The following CNTN4 variants were observed in gnomAD, a reference collection of about 807,000 sequenced individuals.
CNTN4 encodes the protein contactin 4.
In CNTN4, 77 loss-of-function variants were observed where a neutral mutation model predicts 122.5. That is an observed-to-expected ratio of 0.63 (90% CI 0.52 to 0.76). The LOEUF is 0.76. CNTN4 is among the 30% of genes least tolerant of loss of function. The pLI is 0.00. For synonymous variants in CNTN4, 512 were observed against 447.0 expected, an observed-to-expected ratio of 1.15 and a Z score of -1.83; for missense variants, 1,256 against 1,259.1, an observed-to-expected ratio of 1.00 and a Z score of 0.04.
chr3:2,485,113 C>G (rs1374150061), intron 3 of CNTN4, among the ~76,000 whole-genome samples: 6 of 152,200 alleles, frequency 3.9e-5, no homozygotes, highest in Non-Finnish European at 8.8e-5. Context: ...GTGCTGCGCT[C>G]GAATTCCCGC....
intron 7 of CNTN4, among the ~76,000 whole-genome samples, chr3:2,821,561 T>C (rs1008024869): frequency 6.6e-6 from 1 of 152,152 alleles, no homozygotes; most frequent in Non-Finnish European, 1.5e-5. Context: ...AAATCAAATA[T>C]TTTACGCAGA....
Position 2,571,490 on chromosome 3 carries a change from C to T in CNTN4, c.-14C>T, listed in dbSNP as rs1559250959. 1 of 1,609,914 alleles carries T rather than the reference C, an allele frequency of 6.2e-7. No individual in the cohort carries two copies. The highest frequency in any genetic ancestry group is 8.5e-7 in the Non-Finnish European group (1 of 1,176,152). On this transcript the variant is annotated 5_prime_UTR_variant, in exon 4 of 25. Coordinates refer to ENST00000418658, the MANE Select transcript of CNTN4 (RefSeq NM_175607.3). ...TATTGGACTTGAAACTCCCTTTGAC[C>T]TCGGAAACTGAAGATGAGGTTGCCA...
chr3:2,501,195 AT>A (rs2076585189), intron 3 of CNTN4, among the ~76,000 whole-genome samples: 1 of 152,022 alleles, frequency 6.6e-6, no homozygotes, highest in South Asian at 2.1e-4. Flanking sequence ...AAGTCCATTC[AT>A]TTTTGTGAGG....
chr3:2,484,780 C>T (rs1025749586), intron 3 of CNTN4, among the ~76,000 whole-genome samples: 6 of 152,188 alleles, frequency 3.9e-5, no homozygotes, highest in South Asian at 2.1e-4. Context: ...GCTCGCTCTC[C>T]GCACCTCCTC....
chr3:2,601,865 C>G (rs1576174194), intron 4 of CNTN4, among the ~76,000 whole-genome samples: 1 of 152,104 alleles, frequency 6.6e-6, no homozygotes, highest in South Asian at 2.1e-4. Flanking sequence ...CAAACTGAAT[C>G]CAGCAGCACA....
At chr3:2,607,775 G>A (rs1413372077) in intron 4 of CNTN4, among the ~76,000 whole-genome samples, 2 of 152,026 alleles carry the variant, frequency 1.3e-5, no homozygotes, top group Non-Finnish European at 2.9e-5. Flanking sequence ...AGATACATAT[G>A]TTTTTAACCA....
At chr3:2,170,946 A>T (rs191038727) in intron 2 of CNTN4, among the ~76,000 whole-genome samples, 52 of 152,312 alleles carry the variant, frequency 3.4e-4, no homozygotes, top group South Asian at 2.9e-3. Context: ...CTTCAAACAA[A>T]AGCACATTAC....
intron 13 of CNTN4, among the ~76,000 whole-genome samples, chr3:2,968,664 T>C (rs568384340): frequency 1.3e-5 from 2 of 152,234 alleles, no homozygotes; most frequent in African/African-American, 4.8e-5. Context: ...AGCAAACTTG[T>C]TTACAGCCTC....
intron 3 of CNTN4, among the ~76,000 whole-genome samples, chr3:2,418,839 C>A (rs57317490): frequency 0.01 from 1,546 of 152,136 alleles, 28 homozygotes; most frequent in African/African-American, 0.036. Flanking sequence ...GAATAATTTA[C>A]AGTTCATGAT....
At chr3:3,006,460 G>T (rs946596342) in intron 14 of CNTN4, among the ~76,000 whole-genome samples, 1 of 152,090 alleles carries the variant, frequency 6.6e-6, no homozygotes, top group Non-Finnish European at 1.5e-5. Context: ...CAACTAGAAG[G>T]TCCCTTTGCG....
intron 3 of CNTN4, among the ~76,000 whole-genome samples, chr3:2,555,052 G>A (rs374574963): frequency 8.5e-5 from 13 of 152,188 alleles, no homozygotes; most frequent in African/African-American, 2.9e-4. Context: ...GAACACATGT[G>A]ACCTTGAAAT....
At chr3:2,415,209 T>C (rs970616157) in intron 3 of CNTN4, among the ~76,000 whole-genome samples, 4 of 152,202 alleles carry the variant, frequency 2.6e-5, no homozygotes, top group African/African-American at 9.6e-5. Context: ...AACCAGTGTC[T>C]ATTATGTGGC....
intron 2 of CNTN4, among the ~76,000 whole-genome samples, chr3:2,257,969 A>G (rs2040669121): frequency 6.6e-6 from 1 of 152,166 alleles, no homozygotes; most frequent in Admixed American, 6.6e-5. Context: ...AGGCTGAGGC[A>G]GGAGAATCAC....
chr3:2,680,533 A>T (rs1322669196), intron 4 of CNTN4, among the ~76,000 whole-genome samples: 2 of 152,160 alleles, frequency 1.3e-5, no homozygotes, highest in Non-Finnish European at 1.5e-5. Flanking sequence ...CTCTTCTAGA[A>T]ATATATTTCA....
intron 3 of CNTN4, among the ~76,000 whole-genome samples, chr3:2,403,486 G>A (rs932124684): frequency 2.0e-5 from 3 of 152,076 alleles, no homozygotes; most frequent in Non-Finnish European, 2.9e-5. Flanking sequence ...TGCTCTTCCT[G>A]TAAATCTCAA....
intron 7 of CNTN4, among the ~76,000 whole-genome samples, chr3:2,845,321 A>G (rs2093437290): frequency 6.6e-6 from 1 of 152,138 alleles, no homozygotes; most frequent in Non-Finnish European, 1.5e-5. Context: ...TGTGAAAATA[A>G]CAACCCTAGT....
chr3:2,239,276 C>G (rs553713097), intron 2 of CNTN4, among the ~76,000 whole-genome samples: 8 of 152,064 alleles, frequency 5.3e-5, no homozygotes, highest in African/African-American at 1.9e-4. Flanking sequence ...TTGATTTATG[C>G]GGACGATCCT....
At chr3:2,801,250 A>ATTC (rs2092339540) in intron 6 of CNTN4, among the ~76,000 whole-genome samples, 1 of 152,170 alleles carries the variant, frequency 6.6e-6, no homozygotes, top group Non-Finnish European at 1.5e-5. Flanking sequence ...TAGTTCAGTG[A>ATTC]ATTTGTGATG....
chr3:2,537,162 C>A (rs1489937936), intron 3 of CNTN4, among the ~76,000 whole-genome samples: 1 of 152,022 alleles, frequency 6.6e-6, no homozygotes, highest in Non-Finnish European at 1.5e-5. Flanking sequence ...ATTTAGGAAA[C>A]CATGTAGTGC....
Sources: gnomAD v4.1 joint callset for allele counts (sites outside exome capture counted in the v4.1 genomes callset) on GRCh38, gnomAD v4.1.1 for gene constraint, MANE v1.5 for transcripts, NCBI Gene and HGNC (gene_info 2026-07-23, HGNC 2026-07-21) for gene names.